Variants in GXYLT2 observed in about 807,000 individuals in gnomAD.
GXYLT2 encodes the protein glucoside xylosyltransferase 2, also known as glycosyltransferase 8 domain containing 4.
Under a neutral mutation model 45.8 loss-of-function variants are expected in GXYLT2, and 53 were observed. That is an observed-to-expected ratio of 1.16 (90% CI 0.93 to 1.46). The LOEUF (loss-of-function observed/expected upper bound fraction) is 1.46. Among genes scored for constraint, GXYLT2 ranks in the 40% most tolerant of loss-of-function variants. The pLI is 0.00. For synonymous variants in GXYLT2, 219 were observed against 214.2 expected, an observed-to-expected ratio of 1.02 and a Z score of -0.19; for missense variants, 551 against 544.4, an observed-to-expected ratio of 1.01 and a Z score of -0.12.
intron 6 of GXYLT2, among the ~76,000 whole-genome samples, chr3:72,970,000 CTTGAGGTCAGGAGT>C (rs938905194): frequency 6.7e-6 from 1 of 149,664 alleles, no homozygotes; most frequent in Admixed American, 6.7e-5. Context: ...GAGAGGATTG[CTTGAGGTCAGGAGT>C]TTGAGGTCAG....
At chr3:72,928,688 A>G (rs1194819922) in intron 3 of GXYLT2, among the ~76,000 whole-genome samples, 1 of 152,034 alleles carries the variant, frequency 6.6e-6, no homozygotes, top group Non-Finnish European at 1.5e-5. Flanking sequence ...CTGGAGTCAT[A>G]ACAGATATCA....
In GXYLT2 at chr3:72,963,033, C is replaced by T. The variant is rs184359010; in HGVS notation, c.977-4514C>T. 2.1e-4 allele frequency among the ~76,000 whole-genome samples: 32 copies of T among 151,714 alleles called. 1 individual carries two copies. Among genetic ancestry groups the T allele is most frequent in the Admixed American group, 1.1e-3 (16 of 15,206 alleles). ...ATTGATACAGAGTATTAAGCGAGGC[C>T]GGGTGTGGGAGCTTATGCCTGTAAT... On this transcript the variant is annotated intron_variant, in intron 5 of 6. Transcript: ENST00000389617.
chr3:72,922,413 A>C, intron 3 of GXYLT2, 78 bp downstream of exon 3: 1 of 1,422,468 alleles, frequency 7.0e-7, no homozygotes, highest in Non-Finnish European at 9.6e-7. Flanking sequence ...GTGTAGAAAC[A>C]TTTAACTTAA....
chr3:72,945,159 G>A (rs1185205452), intron 3 of GXYLT2, among the ~76,000 whole-genome samples: 1 of 151,744 alleles, frequency 6.6e-6, no homozygotes, highest in Admixed American at 6.6e-5. Flanking sequence ...GTGGTGGCAG[G>A]CGCCTGTAGT....
At chr3:72,945,662 G>T (rs1438229334) in intron 3 of GXYLT2, among the ~76,000 whole-genome samples, 1 of 152,212 alleles carries the variant, frequency 6.6e-6, no homozygotes, top group African/African-American at 2.4e-5. Flanking sequence ...AATAATGAGT[G>T]AAGTGCTCTG....
chr3:72,906,426 G>A (rs1025174174), intron 1 of GXYLT2, among the ~76,000 whole-genome samples: 5 of 151,988 alleles, frequency 3.3e-5, no homozygotes, highest in Non-Finnish European at 5.9e-5. Flanking sequence ...GCCCCAGCCC[G>A]CCAGCCACTC....
chr3:72,953,146 G>A (rs927809764), intron 3 of GXYLT2, among the ~76,000 whole-genome samples: 1 of 152,120 alleles, frequency 6.6e-6, no homozygotes, highest in African/African-American at 2.4e-5. Flanking sequence ...CAGCCTGTGA[G>A]CCAGGAGTGG....
At chr3:72,954,613 G>C (rs1440430811) in intron 3 of GXYLT2, among the ~76,000 whole-genome samples, 1 of 148,490 alleles carries the variant, frequency 6.7e-6, no homozygotes, top group Non-Finnish European at 1.5e-5. Context: ...TCCAGCCTGG[G>C]CGACAGAGTG....
chr3:72,889,583 A>G (rs576551357), intron 1 of GXYLT2, among the ~76,000 whole-genome samples: 83 of 152,304 alleles, frequency 5.4e-4, no homozygotes, highest in African/African-American at 1.9e-3. Context: ...AAGTACTTAT[A>G]ACACTTTACA....
chr3:72,958,232 C>T (rs1309460552), intron 5 of GXYLT2, among the ~76,000 whole-genome samples: 2 of 150,414 alleles, frequency 1.3e-5, no homozygotes, highest in Non-Finnish European at 3.0e-5. Context: ...AAGATTGCTC[C>T]ACTGCACTCC....
rs376190751 is a variant in GXYLT2, at chr3:72,967,582, C to T, written c.1012C>T (p.Arg338Cys). The T allele has an allele frequency of 9.2e-5, 149 of 1,613,554 alleles. No homozygotes were observed. The highest frequency in any genetic ancestry group is 1.2e-4 in the Non-Finnish European group (139 of 1,179,726). ...LYVFPCQWNYRPDHCMYGSNC... is the reference protein window; with the variant it reads ...LYVFPCQWNYCPDHCMYGSNC... ...TGTATTCCCCTGCCAGTGGAACTAC[C>T]GTCCCGATCACTGCATGTACGGAAG... Residue 338 changes from arginine to cysteine, a missense_variant, in exon 6 of 7, where the codon CGT becomes TGT. Physicochemically the swap from Arg to Cys is radical, Grantham distance 180. Coordinates refer to ENST00000389617, the MANE Select transcript of GXYLT2 (RefSeq NM_001080393.2).
chr3:72,888,237 A>C lies in GXYLT2; in HGVS notation c.4A>C (p.Lys2Gln). The part of the protein sequence containing the change: M[K>Q]LRSKAAALLL... ...GCCGCCGCCGCCGCGCCGCACCATGAAGCTCCGCAGCAAGGCGGCGGCGCT... is the reference window on the plus strand; with the variant it reads ...GCCGCCGCCGCCGCGCCGCACCATGCAGCTCCGCAGCAAGGCGGCGGCGCT... Residue 2 changes from lysine (K) to glutamine (Q), a missense_variant, in exon 1 of 7, where the codon AAG (lysine) becomes CAG (glutamine). Lys to Gln is a moderately conservative substitution (Grantham distance 53). Coordinates refer to ENST00000389617, the MANE Select transcript of GXYLT2 (RefSeq NM_001080393.2). The C allele has an allele frequency of 1.0e-6, 1 of 993,742 alleles. No individual in the cohort carries two copies. The highest frequency in any genetic ancestry group is 1.8e-5 in the African/African-American group (1 of 56,714). The allele number at this position is 993,742 out of a possible 1,614,324, so 61.6% of individuals were successfully genotyped here. A position where few individuals can be genotyped will look rare whatever the true frequency, so the allele number is the denominator to read the frequency against.
chr3:72,958,973 C>CACT lies in GXYLT2; in HGVS notation c.976+1622_976+1624dup, dbSNP rs1158767191. 2.7e-5 allele frequency among the ~76,000 whole-genome samples: 4 copies of CACT among 146,196 alleles called. No individual in the cohort carries two copies. In the East Asian group the frequency reaches 8.1e-4, roughly 30 times the overall value. The stretch of plus-strand genomic sequence containing the variant: ...TTTTTTTCTTAATGAGATGAAGTTT[C>CACT]ACTCTGTCTTGCAGGCTGGTGTGCA... On this transcript the variant is annotated intron_variant, in intron 5 of 6. Coordinates refer to ENST00000389617, the MANE Select transcript of GXYLT2 (RefSeq NM_001080393.2).
At chr3:72,928,670 G>A (rs1188655947) in intron 3 of GXYLT2, among the ~76,000 whole-genome samples, 2 of 151,180 alleles carry the variant, frequency 1.3e-5, no homozygotes, top group African/African-American at 2.5e-5. Flanking sequence ...CAGGTAAAAC[G>A]TGCCCTCCTG....
At chr3:72,935,604 A>G (rs771252558) in intron 3 of GXYLT2, among the ~76,000 whole-genome samples, 3 of 152,220 alleles carry the variant, frequency 2.0e-5, no homozygotes, top group Non-Finnish European at 2.9e-5. Flanking sequence ...AATATTAGCT[A>G]TCAGAAAGGG....
intron 3 of GXYLT2, among the ~76,000 whole-genome samples, chr3:72,951,819 TA>T (rs1710532814): frequency 6.6e-6 from 1 of 152,018 alleles, no homozygotes; most frequent in South Asian, 2.1e-4. Context: ...TTGTTTTGTT[TA>T]TTTTTTTGTT....
At chr3:72,907,041 A>ACC (rs1709524974) in intron 1 of GXYLT2, among the ~76,000 whole-genome samples, 1 of 152,174 alleles carries the variant, frequency 6.6e-6, no homozygotes, top group Non-Finnish European at 1.5e-5. Context: ...CAGGTGGACC[A>ACC]CCCAGAGGGC....
chr3:72,913,186 C>T lies in GXYLT2; in HGVS notation c.468+4627C>T, dbSNP rs1214202604. Among the ~76,000 whole-genome samples, 200 of 151,144 alleles carry T rather than the reference C, an allele frequency of 1.3e-3. 1 individual carries two copies. Among genetic ancestry groups the T allele is most frequent in the African/African-American group, 4.8e-3 (197 of 41,304 alleles). The stretch of plus-strand genomic sequence containing the variant: ...CCGAGTAGCTGGGACTACAGGCGCC[C>T]GCCACCACGCCCGGCTAATTTTTTT... On this transcript the variant is annotated intron_variant, in intron 2 of 6. Transcript: ENST00000389617.
chr3:72,927,993 C>G (rs1709952118), intron 3 of GXYLT2, among the ~76,000 whole-genome samples: 1 of 152,212 alleles, frequency 6.6e-6, no homozygotes, highest in South Asian at 2.1e-4. Flanking sequence ...CCAAGCACAG[C>G]TAGATCCAGA....
Sources: allele counts gnomAD v4.1 joint callset (sites outside exome capture counted in the v4.1 genomes callset), GRCh38; gene constraint gnomAD v4.1.1; transcripts MANE v1.5; gene names NCBI Gene and HGNC (gene_info 2026-07-23, HGNC 2026-07-21).